SLC9B1: variants seen among roughly 807,000 people sequenced by gnomAD.
SLC9B1 encodes sodium/hydrogen exchanger 9B1.
In SLC9B1, 32 loss-of-function variants were observed where a neutral mutation model predicts 51.7. That is an observed-to-expected ratio of 0.62 (90% CI 0.47 to 0.83). The LOEUF is 0.83. Among genes scored for constraint, SLC9B1 ranks in the 40% least tolerant of loss-of-function variants. The pLI is 0.00. For missense variants in SLC9B1, 406 were observed against 613.2 expected (o/e 0.66, Z 3.57); for synonymous variants, 145 against 212.7 (o/e 0.68, Z 2.77).
At chr4:102,902,722 A>G (rs537495896) in intron 11 of SLC9B1, among the ~76,000 whole-genome samples, 1 of 152,292 alleles carries the variant, frequency 6.6e-6, no homozygotes, top group South Asian at 2.1e-4. Context: ...ATGATAAATG[A>G]TTTCCTCCTA....
intron 7 of SLC9B1, among the ~76,000 whole-genome samples, chr4:102,922,137 C>T (rs1257494677): frequency 6.6e-6 from 1 of 152,188 alleles, no homozygotes; most frequent in Non-Finnish European, 1.5e-5. Context: ...CACACTTATT[C>T]TAAAATTGAC....
intron 3 of SLC9B1, among the ~76,000 whole-genome samples, chr4:102,955,875 AAGAAAGAAAGAAAGAAAGAAAGAAAGAG>A (rs1275533394): frequency 1.5e-4 from 22 of 142,330 alleles, no homozygotes; most frequent in African/African-American, 5.9e-4. Flanking sequence ...GAAAGAAAGA[AAGAAAGAAAGAAAGAAAGAAAGAAAGAG>A]AGAGAAAGAC....
At chr4:102,925,482 T>C (rs113140387) in intron 7 of SLC9B1, among the ~76,000 whole-genome samples, 8,805 of 151,934 alleles carry the variant, frequency 0.058, 561 homozygotes, top group African/African-American at 0.16. Context: ...AGCACACCAA[T>C]ATGGCACATG....
At chr4:103,008,238 A>T (rs1245204921) in intron 1 of SLC9B1, among the ~76,000 whole-genome samples, 1 of 152,222 alleles carries the variant, frequency 6.6e-6, no homozygotes, top group African/African-American at 2.4e-5. Flanking sequence ...ACTTATTAGA[A>T]GTCTGTACTG....
At chr4:102,900,347 T>C (rs1240242015), downstream of SLC9B1, among the ~76,000 whole-genome samples, 5 of 152,254 alleles carry the variant, frequency 3.3e-5, no homozygotes, top group Non-Finnish European at 7.3e-5. Flanking sequence ...TCTATATTAC[T>C]AAGGAGAAGA....
chr4:102,988,700 C>A (rs541841718), intron 3 of SLC9B1, among the ~76,000 whole-genome samples: 1 of 151,834 alleles, frequency 6.6e-6, no homozygotes, highest in Non-Finnish European at 1.5e-5. Flanking sequence ...GAATATGCAC[C>A]CCTAAATAGA....
intron 3 of SLC9B1, among the ~76,000 whole-genome samples, chr4:102,969,645 G>A (rs1031973264): frequency 9.2e-5 from 14 of 152,344 alleles, no homozygotes; most frequent in African/African-American, 3.4e-4. Context: ...ACTTTGACGA[G>A]TTGACAGAAG....
chr4:102,920,467 A>G (rs999795859), intron 7 of SLC9B1, among the ~76,000 whole-genome samples: 2 of 152,234 alleles, frequency 1.3e-5, no homozygotes, highest in Non-Finnish European at 2.9e-5. Context: ...CAGAGCAGAA[A>G]AGCTGAAAAT....
In SLC9B1 at chr4:102,968,801, G is replaced by A. The variant is rs187592557; in HGVS notation, c.212-19374C>T. Among the ~76,000 whole-genome samples the A allele has an allele frequency of 7.2e-4, 109 of 152,296 alleles. 1 individual carries two copies. The highest frequency in any genetic ancestry group is 2.3e-3 in the African/African-American group (95 of 41,564). ...TAGCCAAGGGAAGCCGTGACAGACG[G>A]TACCTGGAAAATCTGGACACTCCCA... On this transcript the variant is annotated intron_variant, in intron 3 of 11. Coordinates refer to ENST00000296422, the MANE Select transcript of SLC9B1 (RefSeq NM_139173.4).
At chr4:102,949,176 A>G in intron 4 of SLC9B1, 81 bp downstream of exon 4, 2 of 1,153,304 alleles carry the variant, frequency 1.7e-6, no homozygotes, top group East Asian at 2.4e-5. Context: ...ATATTTCTGA[A>G]TTATAACTAA....
intron 6 of SLC9B1, among the ~76,000 whole-genome samples, chr4:102,933,922 C>A (rs1225290438): frequency 6.6e-6 from 1 of 152,206 alleles, no homozygotes; most frequent in Non-Finnish European, 1.5e-5. Flanking sequence ...CATCGCCCAA[C>A]ACCACGTCTG....
intron 1 of SLC9B1, 112 bp downstream of exon 1, chr4:103,019,487 C>A: frequency 1.4e-6 from 1 of 696,942 alleles, no homozygotes; most frequent in Non-Finnish European, 1.8e-6. Context: ...TCCCATTGAA[C>A]TGAGGGGGAG....
chr4:102,920,944 C>T (rs1280261658), intron 7 of SLC9B1, among the ~76,000 whole-genome samples: 6 of 152,156 alleles, frequency 3.9e-5, no homozygotes, highest in Non-Finnish European at 8.8e-5. Context: ...ATTGGTGTAC[C>T]TGAAAGTGAT....
intron 4 of SLC9B1, among the ~76,000 whole-genome samples, chr4:102,947,064 C>T (rs891102665): frequency 6.6e-5 from 10 of 152,012 alleles, no homozygotes; most frequent in African/African-American, 2.2e-4. Flanking sequence ...AGAAAGGTCT[C>T]CCCCCACTTT....
At chr4:102,967,398 A>G (rs1400736235) in intron 3 of SLC9B1, among the ~76,000 whole-genome samples, 2 of 152,224 alleles carry the variant, frequency 1.3e-5, no homozygotes, top group South Asian at 2.1e-4. Context: ...TTGTGTTGCT[A>G]TAACAGAATA....
In SLC9B1 at chr4:102,946,561, G is replaced by A. The variant is rs1054970461; in HGVS notation, c.525+86C>T. The A allele has an allele frequency of 4.5e-5, 65 of 1,455,564 alleles. 1 individual carries two copies. Among genetic ancestry groups the A allele is most frequent in the Admixed American group, 6.4e-5 (3 of 46,796 alleles). The allele number at this position is 1,455,564 out of a possible 1,614,324, so 90.2% of individuals were successfully genotyped here. On this transcript the variant is annotated intron_variant, in intron 5 of 11. Transcript: ENST00000296422. ...TTGTTTACAGACTCTATTTGGAACAGGAAAATAAAATTTTTGCTTCTTTTT... is the reference window on the plus strand; with the variant it reads ...TTGTTTACAGACTCTATTTGGAACAAGAAAATAAAATTTTTGCTTCTTTTT...
intron 11 of SLC9B1, chr4:102,890,251 A>C (rs190765542): frequency 1.3e-5 from 2 of 152,240 alleles, no homozygotes; most frequent in Non-Finnish European, 2.9e-5. Context: ...TTTGTTAATA[A>C]GTAAGTTACA....
At chr4:102,962,342 A>G (rs991577345) in intron 3 of SLC9B1, 22 of 538,638 alleles carry the variant, frequency 4.1e-5, no homozygotes, top group African/African-American at 3.8e-4. Flanking sequence ...GAAGACTGGG[A>G]TATTATGGAA....
intron 1 of SLC9B1, among the ~76,000 whole-genome samples, chr4:102,993,685 G>T (rs1439594377): frequency 6.6e-6 from 1 of 152,204 alleles, no homozygotes; most frequent in Non-Finnish European, 1.5e-5. Context: ...CCCTAGCAGA[G>T]GTTCTCCATG....
Sources: gnomAD v4.1 joint callset for allele counts (sites outside exome capture counted in the v4.1 genomes callset) on GRCh38, gnomAD v4.1.1 for gene constraint, MANE v1.5 for transcripts, NCBI Gene and HGNC (gene_info 2026-07-23, HGNC 2026-07-21) for gene names.